RBFOX1: variants seen among roughly 807,000 people sequenced by gnomAD.
RBFOX1 encodes RNA binding fox-1 homolog 1, also known as RNA binding protein fox-1 homolog 1.
Under a neutral mutation model 57.7 loss-of-function variants are expected in RBFOX1, and 8 were observed. That is an observed-to-expected ratio of 0.14 (90% CI 0.08 to 0.25). The LOEUF (loss-of-function observed/expected upper bound fraction) is 0.25. Among genes scored for constraint, RBFOX1 ranks in the 10% least tolerant of loss-of-function variants. The pLI, the probability that RBFOX1 is intolerant of heterozygous loss-of-function variation, is 1.00. For synonymous variants in RBFOX1, 326 were observed against 222.4 expected (o/e 1.47, Z -4.15); for missense variants, 611 against 548.5 (o/e 1.11, Z -1.14).
At chr16:6,770,791 C>T (rs1272753256) in intron 3 of RBFOX1, among the ~76,000 whole-genome samples, 1 of 152,116 alleles carries the variant, frequency 6.6e-6, no homozygotes, top group Non-Finnish European at 1.5e-5. Context: ...AAGGAAGTTA[C>T]TCTTTATATG....
chr16:5,845,919 T>C (rs1464902559), intron 3 of RBFOX1, among the ~76,000 whole-genome samples: 1 of 152,192 alleles, frequency 6.6e-6, no homozygotes, highest in African/African-American at 2.4e-5. Flanking sequence ...ACGCCTGTAA[T>C]ACCTGCACTT....
intron 2 of RBFOX1, among the ~76,000 whole-genome samples, chr16:5,513,075 A>G (rs2043663065): frequency 6.6e-6 from 1 of 152,064 alleles, no homozygotes; most frequent in Non-Finnish European, 1.5e-5. Context: ...ACTACCATGC[A>G]TAGGTTATTT....
At chr16:7,375,154 T>G (rs61548208) in intron 4 of RBFOX1, among the ~76,000 whole-genome samples, 2,322 of 152,350 alleles carry the variant, frequency 0.015, 64 homozygotes, top group African/African-American at 0.053. Flanking sequence ...GTAACGTTGG[T>G]AGATTAATAT....
intron 4 of RBFOX1, among the ~76,000 whole-genome samples, chr16:7,328,316 C>T (rs1429154423): frequency 6.6e-6 from 1 of 151,832 alleles, no homozygotes; most frequent in African/African-American, 2.4e-5. Flanking sequence ...CCTGTCTCTA[C>T]TAAAAATACA....
chr16:6,271,635 A>T lies in RBFOX1; in HGVS notation c.-126-45360A>T, dbSNP rs557441474. Among the ~76,000 whole-genome samples, 40 of 152,320 alleles carry T rather than the reference A, an allele frequency of 2.6e-4. 1 individual carries two copies. The South Asian group carries it at 7.3e-3, about 28-fold the overall frequency. On this transcript the variant is annotated intron_variant, in intron 1 of 15. Transcript: ENST00000550418. Reference sequence around the variant, plus strand: ...CAGGGAATATCACTACAGACTTTGCAGATGTCAAAAAGGTAGTAAGGGAAT... The same window carrying T: ...CAGGGAATATCACTACAGACTTTGCTGATGTCAAAAAGGTAGTAAGGGAAT...
At chr16:7,424,555 T>A (rs999463864) in intron 4 of RBFOX1, among the ~76,000 whole-genome samples, 1 of 152,218 alleles carries the variant, frequency 6.6e-6, no homozygotes, top group Non-Finnish European at 1.5e-5. Context: ...CCACCTCACC[T>A]GGCCATACGC....
intron 5 of RBFOX1, among the ~76,000 whole-genome samples, chr16:7,573,274 T>C (rs963041678): frequency 6.6e-6 from 1 of 151,884 alleles, no homozygotes; most frequent in African/African-American, 2.4e-5. Context: ...CAAGCGACAA[T>C]GGGAGACAGG....
In RBFOX1 at chr16:7,129,893, T is replaced by G. The variant is rs1312898214; in HGVS notation, c.27+77795T>G. ...GGTGGATGAAAAAATAAGCAATGAA[T>G]GACCCTCTAGATGATAAGTGGAACC... On this transcript the variant is annotated intron_variant, in intron 4 of 15. Coordinates refer to ENST00000550418, the MANE Select transcript of RBFOX1 (RefSeq NM_018723.4). 2.6e-5 allele frequency among the ~76,000 whole-genome samples: 4 copies of G among 152,032 alleles called. No homozygotes were observed. In the South Asian group the frequency reaches 8.3e-4, roughly 32 times the overall value.
chr16:5,787,679 C>T (rs1407003007), intron 3 of RBFOX1, among the ~76,000 whole-genome samples: 1 of 152,124 alleles, frequency 6.6e-6, no homozygotes, highest in African/African-American at 2.4e-5. Flanking sequence ...GAGGGTTTGG[C>T]AGCATGGAGG....
chr16:5,320,117 C>T (rs2064362154), intron 1 of RBFOX1, among the ~76,000 whole-genome samples: 1 of 152,090 alleles, frequency 6.6e-6, no homozygotes, highest in Admixed American at 6.6e-5. Flanking sequence ...TGCACAGGTC[C>T]AATAGGTGTG....
chr16:6,267,037 G>A (rs72776474), intron 1 of RBFOX1, among the ~76,000 whole-genome samples: 3,469 of 152,276 alleles, frequency 0.023, 57 homozygotes, highest in Admixed American at 0.033. Context: ...TGATGGGATA[G>A]GTTCTAGTGA....
chr16:7,685,594 G>C (rs2075894741), intron 14 of RBFOX1, among the ~76,000 whole-genome samples: 1 of 152,088 alleles, frequency 6.6e-6, no homozygotes, highest in Admixed American at 6.5e-5. Context: ...TAAACTGAAA[G>C]AGGTGGTGCA....
chr16:6,313,029 G>T (rs2080566165), intron 1 of RBFOX1, among the ~76,000 whole-genome samples: 1 of 152,126 alleles, frequency 6.6e-6, no homozygotes, highest in Non-Finnish European at 1.5e-5. Flanking sequence ...GTGGTCAGGG[G>T]GTTCCAACAG....
rs28662861 is a variant in RBFOX1 at position 6,438,566 on chromosome 16, A to G, written c.-64+121509A>G. ...GGAGTTAATCACTTTTACTGTTTTT[A>G]AGTTACCCCGGGATTTATCAAATAA... On this transcript the variant is annotated intron_variant, in intron 2 of 15. Coordinates refer to ENST00000550418, the MANE Select transcript of RBFOX1 (RefSeq NM_018723.4). 6.6e-3 allele frequency among the ~76,000 whole-genome samples: 1,010 copies of G among 152,194 alleles called. 10 individuals carry two copies. The highest frequency in any genetic ancestry group is 0.023 in the African/African-American group (969 of 41,522).
intron 2 of RBFOX1, among the ~76,000 whole-genome samples, chr16:6,518,798 T>TCTAC: frequency 1.9e-5 from 1 of 53,432 alleles, no homozygotes; most frequent in African/African-American, 1.0e-4. Flanking sequence ...TGTGTGTCTG[T>TCTAC]CTATCTATCT....
At position 6,183,288 on chromosome 16, in the gene RBFOX1, G is replaced by T. The variant is rs532911736; in HGVS notation, c.-126-133707G>T. Reference sequence around the variant, plus strand: ...GAGGTCAGGAGATCGAGACCATCCTGGGTAACAAGGTGAAACCCTGTCTCT... The same window carrying T: ...GAGGTCAGGAGATCGAGACCATCCTTGGTAACAAGGTGAAACCCTGTCTCT... On this transcript the variant is annotated intron_variant, in intron 1 of 15. Transcript: ENST00000550418. Among the ~76,000 whole-genome samples the T allele has an allele frequency of 5.9e-5, 9 of 151,976 alleles. No individual in the cohort carries two copies. In the East Asian group the frequency reaches 1.7e-3, roughly 29 times the overall value.
intron 4 of RBFOX1, among the ~76,000 whole-genome samples, chr16:5,983,901 C>T (rs374452565): frequency 1.2e-4 from 17 of 143,108 alleles, no homozygotes; most frequent in African/African-American, 3.1e-4. Flanking sequence ...TCCTCGTTCT[C>T]CTCCTCCTCC....
chr16:6,757,113 A>G (rs2075921370), intron 3 of RBFOX1, among the ~76,000 whole-genome samples: 1 of 152,188 alleles, frequency 6.6e-6, no homozygotes, highest in Non-Finnish European at 1.5e-5. Context: ...ATTTCATCCC[A>G]ATTAGAACGA....
chr16:7,708,864 C>T (rs1230736505), intron 14 of RBFOX1, among the ~76,000 whole-genome samples, 192 bp from the exon 15 acceptor site: 1 of 151,950 alleles, frequency 6.6e-6, no homozygotes, highest in East Asian at 1.9e-4. Flanking sequence ...GCAATAGCAA[C>T]CATGTTAAAT....
Sources: gnomAD v4.1 joint callset for allele counts (sites outside exome capture counted in the v4.1 genomes callset) on GRCh38, gnomAD v4.1.1 for gene constraint, MANE v1.5 for transcripts, NCBI Gene and HGNC (gene_info 2026-07-23, HGNC 2026-07-21) for gene names.